The following PTPRM variants were observed in gnomAD, a reference collection of about 807,000 sequenced individuals.
PTPRM encodes the protein protein tyrosine phosphatase receptor type M, also known as receptor-type tyrosine-protein phosphatase mu.
Under a neutral mutation model 186.7 loss-of-function variants are expected in PTPRM, and 47 were observed. That is an observed-to-expected ratio of 0.25 (90% confidence interval 0.20 to 0.32). PTPRM has a LOEUF of 0.32. PTPRM is among the 10% of genes least tolerant of loss of function. The pLI is 1.00. For missense variants in PTPRM, 1,494 were observed against 1,865.0 expected (o/e 0.80, Z 3.66); for synonymous variants, 668 against 674.9 (o/e 0.99, Z 0.16).
At chr18:8,336,643 AAAAG>A (rs2095441142) in intron 22 of PTPRM, among the ~76,000 whole-genome samples, 3 of 146,800 alleles carry the variant, frequency 2.0e-5, no homozygotes, top group African/African-American at 5.2e-5. Flanking sequence ...AGGAGGAGGA[AAAAG>A]AAGGAGAAGA....
At chr18:7,778,472 A>AT (rs1327540366) in intron 2 of PTPRM, among the ~76,000 whole-genome samples, 1 of 151,192 alleles carries the variant, frequency 6.6e-6, no homozygotes, top group African/African-American at 2.4e-5. Flanking sequence ...TTTTCTTTTT[A>AT]TTTTTTTGAG....
chr18:7,907,013 A>G (rs961286386), intron 4 of PTPRM, among the ~76,000 whole-genome samples: 1 of 152,142 alleles, frequency 6.6e-6, no homozygotes, highest in African/African-American at 2.4e-5. Flanking sequence ...CAGGCCTGGG[A>G]TCTGTCAAAT....
At chr18:7,728,735 A>G (rs539954372) in intron 1 of PTPRM, among the ~76,000 whole-genome samples, 2 of 152,296 alleles carry the variant, frequency 1.3e-5, no homozygotes, top group Admixed American at 6.5e-5. Flanking sequence ...CTATCTGCCT[A>G]GGCATTTGTC....
intron 2 of PTPRM, among the ~76,000 whole-genome samples, chr18:7,848,232 T>C (rs2046694304): frequency 6.6e-6 from 1 of 152,210 alleles, no homozygotes; most frequent in South Asian, 2.1e-4. Flanking sequence ...GGCTTTTATT[T>C]GTATACTTAC....
At chr18:8,102,186 A>C (rs1381824102) in intron 11 of PTPRM, among the ~76,000 whole-genome samples, 1 of 152,208 alleles carries the variant, frequency 6.6e-6, no homozygotes, top group Non-Finnish European at 1.5e-5. Context: ...TCTTTTTGCT[A>C]GTGGAGGGTC....
chr18:8,149,706 A>T (rs572946293), intron 14 of PTPRM, among the ~76,000 whole-genome samples: 1 of 152,084 alleles, frequency 6.6e-6, no homozygotes, highest in East Asian at 1.9e-4. Context: ...ATAGCTGGTT[A>T]TTTTGCCCGT....
intron 2 of PTPRM, among the ~76,000 whole-genome samples, chr18:7,885,618 A>T (rs1330246604): frequency 6.6e-6 from 1 of 152,160 alleles, no homozygotes; most frequent in Non-Finnish European, 1.5e-5. Flanking sequence ...TGCACTACAG[A>T]AGCATGCCTC....
At chr18:7,893,686 G>T (rs901508543) in intron 3 of PTPRM, among the ~76,000 whole-genome samples, 3 of 152,176 alleles carry the variant, frequency 2.0e-5, no homozygotes, top group African/African-American at 7.2e-5. Flanking sequence ...ACAGAGTTAA[G>T]GTAGCACTTC....
chr18:8,237,444 T>TTTA (rs1477620850), intron 14 of PTPRM, among the ~76,000 whole-genome samples: 1 of 105,330 alleles, frequency 9.5e-6, no homozygotes, highest in African/African-American at 4.5e-5. Flanking sequence ...TTTTTTTTTT[T>TTTA]TTTTTTTTTT....
chr18:7,576,810 TG>T (rs960529435), intron 1 of PTPRM, among the ~76,000 whole-genome samples: 6 of 152,220 alleles, frequency 3.9e-5, no homozygotes, highest in African/African-American at 1.4e-4. Flanking sequence ...CTCTCTTCTC[TG>T]TTTGAGTAGC....
chr18:8,278,058 G>A (rs958982963), intron 19 of PTPRM, among the ~76,000 whole-genome samples: 6 of 152,228 alleles, frequency 3.9e-5, no homozygotes, highest in African/African-American at 1.4e-4. Context: ...GGCACACACT[G>A]TTTCTTTAGC....
intron 1 of PTPRM, among the ~76,000 whole-genome samples, chr18:7,671,385 T>C (rs1374475661): frequency 6.6e-6 from 1 of 152,216 alleles, no homozygotes; most frequent in Non-Finnish European, 1.5e-5. Context: ...AGAGACACTT[T>C]TCCCTGCCTC....
intron 20 of PTPRM, among the ~76,000 whole-genome samples, chr18:8,308,344 G>A (rs1006157790): frequency 3.9e-5 from 6 of 152,206 alleles, no homozygotes; most frequent in African/African-American, 1.4e-4. Context: ...CTGATTGGTT[G>A]AAACCCTTCC....
At chr18:8,376,888 A>C in intron 26 of PTPRM, 1 of 307,292 alleles carries the variant, frequency 3.3e-6, no homozygotes, top group Non-Finnish European at 6.0e-6. Flanking sequence ...TCAGACTTTC[A>C]ATACCATTTC....
intron 14 of PTPRM, among the ~76,000 whole-genome samples, chr18:8,218,678 T>G (rs1445784688): frequency 1.3e-5 from 2 of 152,194 alleles, no homozygotes; most frequent in African/African-American, 4.8e-5. Context: ...GTCTTCTCCT[T>G]TCCTACTTTT....
chr18:7,932,782 A>G (rs185461563), intron 5 of PTPRM, among the ~76,000 whole-genome samples: 5 of 152,286 alleles, frequency 3.3e-5, no homozygotes, highest in Non-Finnish European at 7.4e-5. Flanking sequence ...GCACCAGAAT[A>G]GCCTTTTAAA....
intron 11 of PTPRM, among the ~76,000 whole-genome samples, chr18:8,093,242 G>A (rs1380640476): frequency 2.0e-5 from 3 of 151,804 alleles, no homozygotes; most frequent in East Asian, 3.9e-4. Flanking sequence ...TCTTCTCCAC[G>A]CTAGGAGCCT....
chr18:7,645,338 C>CT (rs1304175546), intron 1 of PTPRM, among the ~76,000 whole-genome samples: 18 of 152,250 alleles, frequency 1.2e-4, no homozygotes, highest in Admixed American at 3.3e-4. Context: ...TTCCATTTTA[C>CT]TTATGTAACG....
At chr18:7,712,228 C>T (rs534204097) in intron 1 of PTPRM, among the ~76,000 whole-genome samples, 201 of 152,188 alleles carry the variant, frequency 1.3e-3, no homozygotes, top group Non-Finnish European at 1.9e-3. Context: ...GGGTCTGGAG[C>T]GGATCTCCAG....
Sources: gnomAD v4.1 joint callset for allele counts (sites outside exome capture counted in the v4.1 genomes callset) on GRCh38, gnomAD v4.1.1 for gene constraint, MANE v1.5 for transcripts, NCBI Gene and HGNC (gene_info 2026-07-23, HGNC 2026-07-21) for gene names.